Variants in ASTN2 observed in about 807,000 individuals in gnomAD.
ASTN2 encodes the protein astrotactin 2.
Under a neutral mutation model 139.8 loss-of-function variants are expected in ASTN2, and 54 were observed. The ratio of observed to expected loss-of-function variants is 0.39; its 90% CI spans 0.31 to 0.48. The LOEUF is 0.48. Ranked by LOEUF, ASTN2 falls within the 20% of genes least tolerant of loss-of-function variation. The pLI, the probability that ASTN2 is intolerant of heterozygous loss-of-function variation, is 0.95. For synonymous variants in ASTN2, 756 were observed against 719.5 expected, an observed-to-expected ratio of 1.05 and a Z score of -0.81; for missense variants, 1,565 against 1,725.1, an observed-to-expected ratio of 0.91 and a Z score of 1.64.
intron 3 of ASTN2, among the ~76,000 whole-genome samples, chr9:117,145,065 T>C (rs1009318766): frequency 4.6e-5 from 7 of 151,776 alleles, no homozygotes; most frequent in Admixed American, 1.3e-4. Context: ...TCATGGGAGG[T>C]TGGTGTGCAG....
At chr9:117,326,306 C>T (rs574173821) in intron 1 of ASTN2, among the ~76,000 whole-genome samples, 3 of 151,968 alleles carry the variant, frequency 2.0e-5, no homozygotes, top group East Asian at 1.9e-4. Context: ...AATAAGTATT[C>T]GGAGAAAAAG....
chr9:117,296,491 C>T (rs1313980207), intron 1 of ASTN2, among the ~76,000 whole-genome samples: 1 of 152,044 alleles, frequency 6.6e-6, no homozygotes, highest in Admixed American at 6.6e-5. Context: ...AGATTCTCTG[C>T]TGATTGATTT....
intron 19 of ASTN2, among the ~76,000 whole-genome samples, chr9:116,558,110 G>C (rs1448294790): frequency 6.6e-6 from 1 of 152,136 alleles, no homozygotes; most frequent in Non-Finnish European, 1.5e-5. Context: ...GAGATGAAGG[G>C]CAGAGTCCCT....
At chr9:116,770,942 T>G (rs1320953803) in intron 13 of ASTN2, among the ~76,000 whole-genome samples, 3 of 152,166 alleles carry the variant, frequency 2.0e-5, no homozygotes, top group African/African-American at 7.2e-5. Context: ...TATATGGAGC[T>G]TCACCACCTC....
At chr9:116,933,468 T>G (rs1834969506) in intron 10 of ASTN2, among the ~76,000 whole-genome samples, 1 of 152,086 alleles carries the variant, frequency 6.6e-6, no homozygotes, top group Non-Finnish European at 1.5e-5. Context: ...TGCCTCATGT[T>G]TATGAGAAAG....
At chr9:116,705,450 A>C (rs765674491) in intron 16 of ASTN2, among the ~76,000 whole-genome samples, 1 of 152,190 alleles carries the variant, frequency 6.6e-6, no homozygotes, top group Non-Finnish European at 1.5e-5. Context: ...GTGAATGTAT[A>C]TAAGTCAAAT....
chr9:117,313,540 A>C (rs1247897821), intron 1 of ASTN2, among the ~76,000 whole-genome samples: 1 of 152,166 alleles, frequency 6.6e-6, no homozygotes, highest in East Asian at 1.9e-4. Flanking sequence ...TGGGCAGATG[A>C]GGACTATGTG....
chr9:116,565,411 A>ATT (rs1588012243), intron 19 of ASTN2, among the ~76,000 whole-genome samples: 1 of 105,750 alleles, frequency 9.5e-6, no homozygotes, highest in African/African-American at 3.7e-5. Flanking sequence ...ATATATATAT[A>ATT]TATATATATA....
intron 3 of ASTN2, among the ~76,000 whole-genome samples, chr9:117,156,181 C>A (rs1042521434): frequency 2.0e-5 from 3 of 152,022 alleles, no homozygotes; most frequent in East Asian, 3.9e-4. Context: ...CCAGGCTCCA[C>A]GATGCATGCA....
At chr9:117,394,114 G>A (rs1830613241) in intron 1 of ASTN2, among the ~76,000 whole-genome samples, 3 of 152,286 alleles carry the variant, frequency 2.0e-5, no homozygotes, top group Admixed American at 1.3e-4. Flanking sequence ...ACTGGTTACA[G>A]TCCTGTCATG....
chr9:117,190,692 C>T (rs1363127379), intron 3 of ASTN2, among the ~76,000 whole-genome samples: 1 of 152,136 alleles, frequency 6.6e-6, no homozygotes, highest in Non-Finnish European at 1.5e-5. Flanking sequence ...GCCCAAAAAG[C>T]TGTTTCCTCA....
At chr9:116,781,377 A>G (rs938102909) in intron 13 of ASTN2, among the ~76,000 whole-genome samples, 1 of 152,186 alleles carries the variant, frequency 6.6e-6, no homozygotes, top group Admixed American at 6.6e-5. Flanking sequence ...CTAGTGGTGG[A>G]CAGGACCAAA....
In ASTN2 at chr9:117,008,146, G is replaced by A; in HGVS notation, c.1537C>T (p.Leu513Phe). Reference protein sequence around the residue: ...INATSPWVRDLCGQRTTDACE... With the variant: ...INATSPWVRDFCGQRTTDACE... ...GCATCTGTCGTCCTTTGTCCACAGA[G>A]GTCCCTCACCCATGGGGAGGTGGCA... The change falls in exon 7 of 23, where the codon CTC (leucine) becomes TTC (phenylalanine). Residue 513 changes from leucine to phenylalanine, a missense_variant. Leu to Phe is a conservative substitution (Grantham distance 22). Around this residue, in one of 4 missense-constraint regions of ASTN2, gnomAD observed 503 missense variants for 591.7 expected, o/e 0.85. Coordinates refer to ENST00000313400, the MANE Select transcript of ASTN2 (RefSeq NM_001365068.1). The A allele has an allele frequency of 6.2e-7, 1 of 1,610,630 alleles. No individual in the cohort carries two copies. The highest frequency in any genetic ancestry group is 8.5e-7 in the Non-Finnish European group (1 of 1,178,356).
intron 4 of ASTN2, among the ~76,000 whole-genome samples, chr9:117,125,657 T>A (rs554972072): frequency 1.4e-4 from 22 of 152,304 alleles, no homozygotes; most frequent in African/African-American, 5.3e-4. Context: ...AAGATCATGA[T>A]GAGGGTAAGC....
chr9:116,810,110 G>A (rs1831126069), intron 12 of ASTN2, among the ~76,000 whole-genome samples: 1 of 152,120 alleles, frequency 6.6e-6, no homozygotes, highest in Admixed American at 6.5e-5. Context: ...CTTCTGGTTG[G>A]GGGAGGGGGC....
intron 13 of ASTN2, among the ~76,000 whole-genome samples, chr9:116,767,327 G>A (rs1423248172): frequency 6.6e-6 from 1 of 152,190 alleles, no homozygotes; most frequent in East Asian, 1.9e-4. Flanking sequence ...ATCTCCCTAT[G>A]AGAGGAGGGA....
At position 117,096,131 on chromosome 9, in the gene ASTN2, C is replaced by T. The variant is rs764877571; in HGVS notation, c.1189G>A (p.Ala397Thr). The T allele has an allele frequency of 2.5e-6, 4 of 1,614,060 alleles. No individual in the cohort carries two copies. Among genetic ancestry groups the T allele is most frequent in the Non-Finnish European group, 3.4e-6 (4 of 1,179,962 alleles). ...GCCTCTGAGCCCGACGTCCCCTTGGCTCTCCCAAAGCTGATTCCTCCTGTG... is the reference window on the plus strand; with the variant it reads ...GCCTCTGAGCCCGACGTCCCCTTGGTTCTCCCAAAGCTGATTCCTCCTGTG... ...KSRGGISFGR[A>T]KGTSGSEADD... is the part of the protein sequence containing the mutation. The change falls in exon 5 of 23, where the codon GCC becomes ACC. Residue 397 changes from alanine (A) to threonine (T), a missense_variant. Transcript: ENST00000313400.
rs188999651 is a variant in ASTN2 at position 117,383,313 on chromosome 9, G to A, written c.442+31184C>T. 3.9e-5 allele frequency among the ~76,000 whole-genome samples: 6 copies of A among 152,252 alleles called. No individual in the cohort carries two copies. The East Asian group carries it at 1.2e-3, about 29-fold the overall frequency. On this transcript the variant is annotated intron_variant, in intron 1 of 22. Transcript: ENST00000313400. ...ATCCATTTATAGCAGGTCAAAAATA[G>A]ACAAAATTAATAGTTAGAGATATCA...
chr9:117,149,674 C>A (rs1425930832), intron 3 of ASTN2, among the ~76,000 whole-genome samples: 1 of 152,094 alleles, frequency 6.6e-6, no homozygotes, highest in Admixed American at 6.6e-5. Flanking sequence ...TCATTGCATA[C>A]AATATTCCAT....
Sources: allele counts gnomAD v4.1 joint callset (sites outside exome capture counted in the v4.1 genomes callset), GRCh38; gene constraint gnomAD v4.1.1; regional missense constraint gnomAD v4.1.1; transcripts MANE v1.5; gene names NCBI Gene and HGNC (gene_info 2026-07-23, HGNC 2026-07-21).